Variants in ATP8A2 observed in about 807,000 individuals in gnomAD.
ATP8A2 encodes ATPase phospholipid transporting 8A2, also known as phospholipid-transporting ATPase IB.
A neutral mutation model predicts 165.6 loss-of-function variants in ATP8A2; 100 were observed. The ratio of observed to expected loss-of-function variants is 0.60; its 90% confidence interval spans 0.51 to 0.71. The LOEUF is 0.71. ATP8A2 is among the 30% of genes least tolerant of loss of function. The probability of loss-of-function intolerance (pLI) is 0.00; values close to 1 mark genes in which losing one functional copy is unlikely to be tolerated. For synonymous variants in ATP8A2, 543 were observed against 548.8 expected, an observed-to-expected ratio of 0.99 and a Z score of 0.15; for missense variants, 1,227 against 1,479.5, an observed-to-expected ratio of 0.83 and a Z score of 2.80.
intron 2 of ATP8A2, among the ~76,000 whole-genome samples, chr13:25,476,913 C>T (rs2036011471): frequency 6.6e-6 from 1 of 152,188 alleles, no homozygotes; most frequent in Non-Finnish European, 1.5e-5. Context: ...GAACTGTTAT[C>T]ACCTTTACAC....
At chr13:25,984,987 C>T (rs1366672274) in intron 35 of ATP8A2, among the ~76,000 whole-genome samples, 1 of 152,224 alleles carries the variant, frequency 6.6e-6, no homozygotes, top group Non-Finnish European at 1.5e-5. Flanking sequence ...AGTGGCCTCA[C>T]ACACACCCTT....
chr13:25,967,077 C>T (rs917130094), intron 34 of ATP8A2, among the ~76,000 whole-genome samples: 4 of 152,108 alleles, frequency 2.6e-5, no homozygotes, highest in Non-Finnish European at 5.9e-5. Context: ...CCCCAGAAGC[C>T]CAGGAGATAA....
rs1307467357 is a variant in ATP8A2, at chr13:25,469,223, G to A, written c.221+102G>A. The A allele has an allele frequency of 3.8e-5, 54 of 1,412,858 alleles. No individual in the cohort carries two copies. In the African/African-American group the frequency reaches 6.8e-4, roughly 18 times the overall value. The allele number at this position is 1,412,858 out of a possible 1,614,324, so 87.5% of individuals were successfully genotyped here. A position where few individuals can be genotyped will look rare whatever the true frequency, so the allele number is the denominator to read the frequency against. Reference sequence around the variant, plus strand: ...TTGGCCGCGCACCTGGCCGGCCCCCGTCCATCTCCCCCAGAGCCTTCCCCT... The same window carrying A: ...TTGGCCGCGCACCTGGCCGGCCCCCATCCATCTCCCCCAGAGCCTTCCCCT... On this transcript the variant is annotated intron_variant, in intron 2 of 36. Transcript: ENST00000381655.
chr13:25,421,841 A>G (rs2034308997), intron 1 of ATP8A2, among the ~76,000 whole-genome samples: 1 of 152,244 alleles, frequency 6.6e-6, no homozygotes, highest in African/African-American at 2.4e-5. Flanking sequence ...TTTGATGCCA[A>G]ATTCCACGGC....
intron 30 of ATP8A2, among the ~76,000 whole-genome samples, chr13:25,855,142 T>C (rs1246144677): frequency 1.3e-5 from 2 of 151,958 alleles, no homozygotes; most frequent in Non-Finnish European, 2.9e-5. Context: ...TCCCAGCTAC[T>C]TGGGAGGCTG....
intron 25 of ATP8A2, among the ~76,000 whole-genome samples, chr13:25,753,948 G>A (rs183862029): frequency 1.2e-4 from 19 of 152,318 alleles, no homozygotes; most frequent in African/African-American, 4.6e-4. Context: ...TTCATTCACT[G>A]AAGGACTTTC....
chr13:25,957,071 C>G (rs189329135), intron 33 of ATP8A2, among the ~76,000 whole-genome samples: 1 of 152,242 alleles, frequency 6.6e-6, no homozygotes, highest in Non-Finnish European at 1.5e-5. Context: ...TAGCCATATG[C>G]AGAAAACTGA....
chr13:25,988,890 T>G (rs1014688145), intron 35 of ATP8A2, among the ~76,000 whole-genome samples: 1 of 152,192 alleles, frequency 6.6e-6, no homozygotes, highest in Non-Finnish European at 1.5e-5. Flanking sequence ...GAGGGAGTTA[T>G]TATATTCTCC....
chr13:25,513,165 G>A (rs1336995881), intron 2 of ATP8A2, among the ~76,000 whole-genome samples: 1 of 151,946 alleles, frequency 6.6e-6, no homozygotes, highest in Non-Finnish European at 1.5e-5. Flanking sequence ...CTCAGATGGG[G>A]CGGCTGCCGG....
Position 25,445,683 on chromosome 13 carries a change from G to A in ATP8A2, c.77-23294G>A, listed in dbSNP as rs567711342. On this transcript the variant is annotated intron_variant, in intron 1 of 36. Transcript: ENST00000381655. ...ATTTTACAGAGGAGGACTCATTGGC[G>A]TCAAATAATGATTAAGATTCCTGTA... 1.4e-4 allele frequency among the ~76,000 whole-genome samples: 21 copies of A among 152,298 alleles called. No homozygotes were observed. The East Asian group carries it at 2.1e-3, about 15-fold the overall frequency.
chr13:25,859,571 A>C (rs555424059), intron 30 of ATP8A2, among the ~76,000 whole-genome samples: 9 of 152,246 alleles, frequency 5.9e-5, no homozygotes, highest in African/African-American at 2.2e-4. Flanking sequence ...AAGAAAAAAA[A>C]AAAAAGGAAA....
chr13:25,889,211 T>C (rs1275448767), intron 33 of ATP8A2, among the ~76,000 whole-genome samples: 1 of 146,066 alleles, frequency 6.8e-6, no homozygotes, highest in African/African-American at 2.5e-5. Context: ...AATTTCCTGT[T>C]AATTGCTATT....
chr13:25,711,429 G>A (rs1158104844), intron 25 of ATP8A2, among the ~76,000 whole-genome samples: 1 of 152,172 alleles, frequency 6.6e-6, no homozygotes, highest in Non-Finnish European at 1.5e-5. Context: ...TAGATCACAG[G>A]CTGGGCATGG....
In ATP8A2 at chr13:25,837,205, A is replaced by G; in HGVS notation, c.2797A>G (p.Arg933Gly). The G allele has an allele frequency of 6.2e-7, 1 of 1,613,980 alleles. No homozygotes were observed. Among genetic ancestry groups the G allele is most frequent in the Non-Finnish European group, 8.5e-7 (1 of 1,179,982 alleles). Residue 933 changes from arginine (R) to glycine (G), a missense_variant, in exon 29 of 37, where the codon AGG becomes GGG. Arg to Gly is a moderately radical substitution (Grantham distance 125, BLOSUM62 -2). Coordinates refer to ENST00000381655, the MANE Select transcript of ATP8A2 (RefSeq NM_016529.6). ...LPPFTLGIFE[R>G]SCTQESMLRF... ...GCCCTTCACTCTGGGAATCTTTGAG[A>G]GGTCTTGCACTCAGGAGAGCATGCT...
At chr13:25,978,132 T>TC (rs1555300189) in intron 35 of ATP8A2, among the ~76,000 whole-genome samples, 1 of 137,646 alleles carries the variant, frequency 7.3e-6, no homozygotes, top group South Asian at 2.4e-4. Flanking sequence ...AATATTTTAA[T>TC]CTTTTTGGGG....
At chr13:25,679,036 C>T (rs142897440) in intron 24 of ATP8A2, among the ~76,000 whole-genome samples, 72 of 152,092 alleles carry the variant, frequency 4.7e-4, no homozygotes, top group Admixed American at 1.8e-3. Context: ...AGGGAGACAA[C>T]AGAAATAAAG....
intron 33 of ATP8A2, among the ~76,000 whole-genome samples, chr13:25,888,300 T>C (rs749961271): frequency 5.9e-5 from 9 of 152,210 alleles, no homozygotes; most frequent in Non-Finnish European, 8.8e-5. Context: ...AATAACCTGA[T>C]GTGAATTTAG....
At chr13:25,833,066 T>C (rs1279838497) in intron 28 of ATP8A2, among the ~76,000 whole-genome samples, 2 of 147,726 alleles carry the variant, frequency 1.4e-5, no homozygotes, top group African/African-American at 2.5e-5. Context: ...AGCCTAGCAA[T>C]AAACAGCTTT....
intron 33 of ATP8A2, among the ~76,000 whole-genome samples, chr13:25,876,261 G>A (rs148559597): frequency 2.5e-4 from 38 of 152,282 alleles, no homozygotes; most frequent in East Asian, 1.9e-3. Context: ...CAGTTGAGGC[G>A]TAGGATTTCA....
Sources: gnomAD v4.1 joint callset for allele counts (sites outside exome capture counted in the v4.1 genomes callset) on GRCh38, gnomAD v4.1.1 for gene constraint, MANE v1.5 for transcripts, NCBI Gene and HGNC (gene_info 2026-07-23, HGNC 2026-07-21) for gene names.